SSPN: variants seen among roughly 807,000 people sequenced by gnomAD.
SSPN encodes sarcospan, also known as K-ras oncogene-associated protein.
In SSPN, 15 loss-of-function variants were observed where a neutral mutation model predicts 19.1. The observed-to-expected ratio is 0.78, with a 90% CI of 0.52 to 1.21. The LOEUF (loss-of-function observed/expected upper bound fraction) is 1.21. Among genes scored for constraint, SSPN ranks in the 50% most tolerant of loss-of-function variants. The probability of loss-of-function intolerance (pLI) is 0.00; values close to 1 mark genes in which losing one functional copy is unlikely to be tolerated. For synonymous variants in SSPN, 147 were observed against 140.3 expected (o/e 1.05, Z -0.34); for missense variants, 291 against 314.0 (o/e 0.93, Z 0.55).
intron 1 of SSPN, chr12:26,125,142 C>G (rs1004105331): frequency 1.8e-4 from 54 of 296,024 alleles, no homozygotes; most frequent in African/African-American, 1.1e-3. Context: ...GGGGCCGGGC[C>G]GGGCGGGGGC....
intron 1 of SSPN, among the ~76,000 whole-genome samples, chr12:26,201,047 T>TATATATATATATATATATATATATAAA (rs1565685553): frequency 2.2e-4 from 11 of 51,032 alleles, no homozygotes; most frequent in Non-Finnish European, 3.7e-4. Context: ...ATATATATAT[T>TATATATATATATATATATATATATAAA]ATATATATAT....
chr12:26,202,096 C>G (rs920683398), intron 1 of SSPN, among the ~76,000 whole-genome samples: 3 of 152,150 alleles, frequency 2.0e-5, no homozygotes, highest in African/African-American at 7.2e-5. Flanking sequence ...TTCTAGATTA[C>G]TTATAATACC....
intron 1 of SSPN, among the ~76,000 whole-genome samples, chr12:26,147,193 A>T (rs917194475): frequency 1.3e-5 from 2 of 152,180 alleles, no homozygotes; most frequent in Non-Finnish European, 2.9e-5. Context: ...CAGCCAGGAC[A>T]TCTTGTAACA....
At chr12:26,215,071 C>T (rs1945032320) in intron 1 of SSPN, among the ~76,000 whole-genome samples, 1 of 152,132 alleles carries the variant, frequency 6.6e-6, no homozygotes, top group Non-Finnish European at 1.5e-5. Flanking sequence ...TTTCCTGTGC[C>T]TCAGTTCCTC....
intron 1 of SSPN, among the ~76,000 whole-genome samples, chr12:26,152,890 T>G (rs1170033368): frequency 1.3e-5 from 2 of 152,220 alleles, no homozygotes; most frequent in Non-Finnish European, 2.9e-5. Flanking sequence ...CTTGCCATTG[T>G]CTGACTTAGC....
intron 1 of SSPN, among the ~76,000 whole-genome samples, chr12:26,140,984 C>T (rs1379284008): frequency 6.6e-6 from 1 of 152,118 alleles, no homozygotes; most frequent in African/African-American, 2.4e-5. Context: ...CACTAGTTAA[C>T]GTATTTCAGT....
In SSPN at chr12:26,224,396, C is replaced by A; in HGVS notation, c.366+17C>A. The stretch of plus-strand genomic sequence containing the variant: ...TCTATGAAAGTAAGTTGTGATTGTT[C>A]TTTCTCTTTTATCATCACATAGAAA... On this transcript the variant is annotated intron_variant, in intron 2 of 2. Coordinates refer to ENST00000242729, the MANE Select transcript of SSPN (RefSeq NM_005086.5). 1 of 1,582,304 alleles carries A rather than the reference C, an allele frequency of 6.3e-7. No homozygotes were observed. Among genetic ancestry groups the A allele is most frequent in the South Asian group, 1.1e-5 (1 of 90,414 alleles).
At chr12:26,143,744 G>T (rs900373687) in intron 1 of SSPN, among the ~76,000 whole-genome samples, 9 of 152,186 alleles carry the variant, frequency 5.9e-5, no homozygotes, top group Non-Finnish European at 8.8e-5. Flanking sequence ...TAAAACAGGG[G>T]TCCCTAACCC....
chr12:26,183,661 T>G (rs1944734014), intron 1 of SSPN, among the ~76,000 whole-genome samples: 1 of 152,230 alleles, frequency 6.6e-6, no homozygotes, highest in Admixed American at 6.5e-5. Flanking sequence ...GATAGTATTA[T>G]GAAAGGGGCA....
chr12:26,218,069 A>C (rs1038721206), intron 1 of SSPN, among the ~76,000 whole-genome samples: 1 of 150,240 alleles, frequency 6.7e-6, no homozygotes, highest in Non-Finnish European at 1.5e-5. Context: ...AACCAACCCA[A>C]ATGTCCAACA....
chr12:26,222,667 A>C (rs1048302059), intron 1 of SSPN, among the ~76,000 whole-genome samples: 1 of 152,224 alleles, frequency 6.6e-6, no homozygotes, highest in Non-Finnish European at 1.5e-5. Context: ...TCAATGTTTT[A>C]AGCTTTCCAA....
At chr12:26,124,112 G>A (rs1204848261) in intron 1 of SSPN, 1 of 1,612,792 alleles carries the variant, frequency 6.2e-7, no homozygotes, top group African/African-American at 1.3e-5. Flanking sequence ...TTTCAGCTGA[G>A]CAATGCATTC....
At chr12:26,208,202 C>T (rs1388753428) in intron 1 of SSPN, among the ~76,000 whole-genome samples, 1 of 152,172 alleles carries the variant, frequency 6.6e-6, no homozygotes, top group East Asian at 1.9e-4. Flanking sequence ...AAGATATAGA[C>T]ATCGTCAAAT....
chr12:26,175,894 T>C lies in SSPN; in HGVS notation c.-30-48399T>C, dbSNP rs571217893. Among the ~76,000 whole-genome samples the C allele has an allele frequency of 1.3e-4, 19 of 151,930 alleles. No homozygotes were observed. In the South Asian group the frequency reaches 3.5e-3, roughly 28 times the overall value. ...CTCTGTCACCCAGGCTGGAGTGCAG[T>C]AGCATGATCTTGGCTCACTGCAACC... On this transcript the variant is annotated intron_variant, in intron 1 of 2. Transcript: ENST00000538142.
intron 1 of SSPN, among the ~76,000 whole-genome samples, chr12:26,188,025 T>C (rs572083948): frequency 6.6e-6 from 1 of 152,332 alleles, no homozygotes; most frequent in African/African-American, 2.4e-5. Context: ...TGACTGATTA[T>C]TGATCCACAC....
intron 1 of SSPN, among the ~76,000 whole-genome samples, chr12:26,164,181 C>T (rs1040257252): frequency 1.3e-5 from 2 of 152,190 alleles, no homozygotes; most frequent in Admixed American, 6.5e-5. Context: ...TGATCATTCT[C>T]GAGAGCAGTG....
intron 1 of SSPN, among the ~76,000 whole-genome samples, chr12:26,143,740 AG>A (rs1469131434): frequency 6.6e-6 from 1 of 152,250 alleles, no homozygotes; most frequent in East Asian, 1.9e-4. Flanking sequence ...ACCTTAAAAC[AG>A]GGGTCCCTAA....
intron 1 of SSPN, among the ~76,000 whole-genome samples, chr12:26,184,260 A>G (rs904773065): frequency 9.8e-5 from 15 of 152,354 alleles, no homozygotes; most frequent in African/African-American, 2.6e-4. Context: ...ATTTACAACA[A>G]CATATTTTAA....
At chr12:26,207,932 T>G (rs1482235228) in intron 1 of SSPN, among the ~76,000 whole-genome samples, 1 of 150,582 alleles carries the variant, frequency 6.6e-6, no homozygotes. Flanking sequence ...CCTGGGAGGT[T>G]GAGACAGTGG....
Sources: gnomAD v4.1 joint callset for allele counts (sites outside exome capture counted in the v4.1 genomes callset) on GRCh38, gnomAD v4.1.1 for gene constraint, MANE v1.5 for transcripts, NCBI Gene and HGNC (gene_info 2026-07-23, HGNC 2026-07-21) for gene names.